NRG3: variants seen among roughly 807,000 people sequenced by gnomAD.
NRG3 encodes neuregulin 3, also known as pro-neuregulin-3, membrane-bound isoform.
Under a neutral mutation model 66.9 loss-of-function variants are expected in NRG3, and 31 were observed. The observed-to-expected ratio is 0.46, with a 90% confidence interval of 0.35 to 0.63. The LOEUF (loss-of-function observed/expected upper bound fraction) is 0.63, where lower values mean the gene tolerates loss of function less well. Ranked by LOEUF, NRG3 falls within the 20% of genes least tolerant of loss-of-function variation. The probability of loss-of-function intolerance (pLI) is 0.00; values close to 1 mark genes in which losing one functional copy is unlikely to be tolerated. For missense variants in NRG3, 910 were observed against 878.9 expected (o/e 1.04, Z -0.45); for synonymous variants, 393 against 359.4 (o/e 1.09, Z -1.06).
intron 3 of NRG3, among the ~76,000 whole-genome samples, chr10:82,780,713 C>T (rs1344903220): frequency 6.6e-6 from 1 of 152,068 alleles, no homozygotes; most frequent in Non-Finnish European, 1.5e-5. Context: ...CTATTTTTAT[C>T]TGCTTAATTG....
chr10:82,140,216 C>T (rs1343928065), intron 1 of NRG3, among the ~76,000 whole-genome samples: 1 of 152,108 alleles, frequency 6.6e-6, no homozygotes, highest in African/African-American at 2.4e-5. Context: ...CTCCTTCATT[C>T]ACTTATTATT....
chr10:82,841,363 A>C (rs1043122446), intron 3 of NRG3, among the ~76,000 whole-genome samples: 2 of 152,192 alleles, frequency 1.3e-5, no homozygotes, highest in African/African-American at 4.8e-5. Flanking sequence ...CCTTGTACCA[A>C]AATGCGTATC....
At chr10:82,852,628 G>A (rs373148008) in intron 3 of NRG3, among the ~76,000 whole-genome samples, 2 of 152,110 alleles carry the variant, frequency 1.3e-5, no homozygotes, top group Non-Finnish European at 2.9e-5. Flanking sequence ...CCTATAATAC[G>A]TAGACGGTAG....
chr10:82,089,638 G>A (rs950693410), intron 1 of NRG3, among the ~76,000 whole-genome samples: 2 of 152,128 alleles, frequency 1.3e-5, no homozygotes, highest in Non-Finnish European at 2.9e-5. Context: ...TCTAATAAAC[G>A]AGTTGAATAT....
At chr10:81,970,467 T>G (rs1377828939) in intron 1 of NRG3, among the ~76,000 whole-genome samples, 1 of 152,212 alleles carries the variant, frequency 6.6e-6, no homozygotes, top group Non-Finnish European at 1.5e-5. Context: ...TTCTGTAATT[T>G]TACAATGGCA....
intron 1 of NRG3, among the ~76,000 whole-genome samples, chr10:82,213,161 A>G (rs545068879): frequency 1.3e-5 from 2 of 152,342 alleles, no homozygotes; most frequent in African/African-American, 4.8e-5. Context: ...AGCACTTACT[A>G]TCCAAAACTG....
intron 4 of NRG3, among the ~76,000 whole-genome samples, chr10:82,917,962 G>GTATATATA (rs1436914419): frequency 2.0e-5 from 2 of 101,432 alleles, no homozygotes; most frequent in East Asian, 6.4e-4. Context: ...GTGTGTGTGT[G>GTATATATA]TGTGTGTGTA....
intron 4 of NRG3, among the ~76,000 whole-genome samples, chr10:82,913,696 G>A (rs1036310637): frequency 6.6e-6 from 1 of 152,130 alleles, no homozygotes; most frequent in African/African-American, 2.4e-5. Flanking sequence ...TAGGTGAGGT[G>A]TTTTCCCTTC....
intron 2 of NRG3, among the ~76,000 whole-genome samples, chr10:82,732,503 C>T (rs2134665216): frequency 6.6e-6 from 1 of 152,262 alleles, no homozygotes; most frequent in African/African-American, 2.4e-5. Context: ...TCAATCACAG[C>T]TGAGTTTGTA....
chr10:82,813,181 T>TATTC (rs1430353446), intron 3 of NRG3, among the ~76,000 whole-genome samples: 2 of 151,524 alleles, frequency 1.3e-5, no homozygotes, highest in Non-Finnish European at 2.9e-5. Context: ...CAAAGTACAT[T>TATTC]ATTCATCATT....
chr10:82,174,783 G>A (rs2072898984), intron 1 of NRG3, among the ~76,000 whole-genome samples: 1 of 151,912 alleles, frequency 6.6e-6, no homozygotes, highest in Non-Finnish European at 1.5e-5. Context: ...TCATACTGGG[G>A]CATCTAGTTC....
At chr10:82,902,419 A>G (rs1844318400) in intron 4 of NRG3, among the ~76,000 whole-genome samples, 1 of 152,168 alleles carries the variant, frequency 6.6e-6, no homozygotes, top group Non-Finnish European at 1.5e-5. Context: ...TATATTAAAG[A>G]AAGACGTAAT....
At chr10:82,007,609 C>A (rs1021351882) in intron 1 of NRG3, among the ~76,000 whole-genome samples, 3 of 152,044 alleles carry the variant, frequency 2.0e-5, no homozygotes, top group African/African-American at 7.2e-5. Flanking sequence ...CCATTATAAT[C>A]ATTTATTTAT....
At chr10:81,897,333 A>G (rs750901073) in intron 1 of NRG3, among the ~76,000 whole-genome samples, 47 of 151,964 alleles carry the variant, frequency 3.1e-4, no homozygotes, top group Non-Finnish European at 5.6e-4. Context: ...TTAAAAAGCC[A>G]CTCTGGATGC....
chr10:82,205,441 G>A (rs940544870), intron 1 of NRG3, among the ~76,000 whole-genome samples: 3 of 152,138 alleles, frequency 2.0e-5, no homozygotes, highest in South Asian at 4.1e-4. Context: ...TCCAGATTAC[G>A]TCCACGAATA....
chr10:82,071,321 C>T (rs2064794387), intron 1 of NRG3, among the ~76,000 whole-genome samples: 1 of 152,036 alleles, frequency 6.6e-6, no homozygotes, highest in Non-Finnish European at 1.5e-5. Context: ...AAATGCTGAG[C>T]AAGGATGGGG....
intron 1 of NRG3, among the ~76,000 whole-genome samples, chr10:82,050,119 G>A (rs1045392081): frequency 2.0e-5 from 3 of 151,932 alleles, no homozygotes; most frequent in African/African-American, 7.3e-5. Context: ...GAAGGAGAGC[G>A]ATGCTTTAAC....
chr10:82,418,504 A>G (rs531228708), intron 2 of NRG3, among the ~76,000 whole-genome samples: 1 of 151,986 alleles, frequency 6.6e-6, no homozygotes, highest in East Asian at 1.9e-4. Context: ...TGCATCATTC[A>G]CTGGGAACAT....
chr10:82,940,553 T>G (rs1386416325), intron 4 of NRG3, among the ~76,000 whole-genome samples: 1 of 152,190 alleles, frequency 6.6e-6, no homozygotes, highest in Non-Finnish European at 1.5e-5. Flanking sequence ...GACCCTTTCT[T>G]AGTCCATCTG....
Sources: allele counts gnomAD v4.1 joint callset (sites outside exome capture counted in the v4.1 genomes callset), GRCh38; gene constraint gnomAD v4.1.1; transcripts MANE v1.5; gene names NCBI Gene and HGNC (gene_info 2026-07-23, HGNC 2026-07-21).